GPC6: variants seen among roughly 807,000 people sequenced by gnomAD.
The protein encoded by GPC6 is glypican 6, also known as glypican-6.
A neutral mutation model predicts 55.2 loss-of-function variants in GPC6; 14 were observed. The observed-to-expected ratio is 0.25, with a 90% CI of 0.17 to 0.40. GPC6 has a LOEUF of 0.40. Among genes scored for constraint, GPC6 ranks in the 10% least tolerant of loss-of-function variants. GPC6 has a pLI of 1.00. For synonymous variants in GPC6, 278 were observed against 259.6 expected (o/e 1.07, Z -0.68); for missense variants, 641 against 708.5 (o/e 0.90, Z 1.08).
At chr13:93,694,884 G>A (rs183592769) in intron 2 of GPC6, among the ~76,000 whole-genome samples, 1 of 151,866 alleles carries the variant, frequency 6.6e-6, no homozygotes, top group East Asian at 1.9e-4. Flanking sequence ...CAAAATCTCA[G>A]TTGTTCTCAA....
intron 3 of GPC6, among the ~76,000 whole-genome samples, chr13:94,016,585 G>A (rs1165326287): frequency 6.6e-6 from 1 of 152,160 alleles, no homozygotes; most frequent in Admixed American, 6.6e-5. Context: ...TTGGGCATTT[G>A]CAATTTTATA....
At chr13:94,391,475 T>C (rs574121049) in intron 7 of GPC6, among the ~76,000 whole-genome samples, 1 of 152,250 alleles carries the variant, frequency 6.6e-6, no homozygotes, top group African/African-American at 2.4e-5. Context: ...CAGACAACCC[T>C]AGCTTAATGA....
chr13:93,912,668 A>G (rs367638930), intron 3 of GPC6, among the ~76,000 whole-genome samples: 130 of 152,210 alleles, frequency 8.5e-4, no homozygotes, highest in Non-Finnish European at 1.2e-3. Context: ...GCGTGAACCC[A>G]GGAGGCAGAG....
At chr13:93,329,973 A>C (rs1468214256) in intron 1 of GPC6, among the ~76,000 whole-genome samples, 1 of 152,238 alleles carries the variant, frequency 6.6e-6, no homozygotes, top group South Asian at 2.1e-4. Flanking sequence ...AAAGTTATTC[A>C]CTTCACAGGT....
At chr13:93,601,094 A>C (rs3848064) in intron 2 of GPC6, among the ~76,000 whole-genome samples, 57,315 of 151,632 alleles carry the variant, frequency 0.38, 11,116 homozygotes, top group African/African-American at 0.45. Context: ...GGAGCTTAAA[A>C]GAATTAAAAC....
chr13:93,629,049 C>A lies in GPC6; in HGVS notation c.319+83628C>A, dbSNP rs75523573. Among the ~76,000 whole-genome samples the A allele has an allele frequency of 9.5e-4, 138 of 145,532 alleles. 1 individual carries two copies. The highest frequency in any genetic ancestry group is 6.9e-3 in the South Asian group (32 of 4,612). ...TACTTCTAGCCAGAAAAAAAAAAAACAAAAAAAACTGACTTTTAAAAGTCA... is the reference window on the plus strand; with the variant it reads ...TACTTCTAGCCAGAAAAAAAAAAAAAAAAAAAAACTGACTTTTAAAAGTCA... On this transcript the variant is annotated intron_variant, in intron 2 of 8. Coordinates refer to ENST00000377047, the MANE Select transcript of GPC6 (RefSeq NM_005708.5).
intron 6 of GPC6, among the ~76,000 whole-genome samples, chr13:94,368,566 G>C (rs1175122835): frequency 6.6e-6 from 1 of 152,072 alleles, no homozygotes. Context: ...TGAAGACAGT[G>C]CTAAAAGCCA....
chr13:93,461,137 G>A (rs58094846), intron 1 of GPC6, among the ~76,000 whole-genome samples: 2,959 of 151,986 alleles, frequency 0.019, 101 homozygotes, highest in African/African-American at 0.068. Flanking sequence ...TTTTTTTATC[G>A]TAAAATGTAT....
At chr13:94,241,985 T>C (rs561547319) in intron 4 of GPC6, among the ~76,000 whole-genome samples, 112 of 152,192 alleles carry the variant, frequency 7.4e-4, no homozygotes, top group African/African-American at 2.5e-3. Context: ...TTGTTACATA[T>C]GTATACATGT....
chr13:93,217,203 CTTTG>C, the GPC6 span, among the ~76,000 whole-genome samples: 1 of 152,280 alleles, frequency 6.6e-6, no homozygotes, highest in African/African-American at 2.4e-5. Context: ...AAATTATATC[CTTTG>C]TAAGTAAAAT....
At chr13:94,337,256 G>A (rs1057291005) in intron 6 of GPC6, among the ~76,000 whole-genome samples, 5 of 152,092 alleles carry the variant, frequency 3.3e-5, no homozygotes, top group South Asian at 2.1e-4. Flanking sequence ...ATGTATTGAA[G>A]CCTTGATATT....
intron 7 of GPC6, among the ~76,000 whole-genome samples, chr13:94,389,249 C>A (rs1208337906): frequency 6.6e-6 from 1 of 152,004 alleles, no homozygotes; most frequent in Non-Finnish European, 1.5e-5. Flanking sequence ...TCTAGGCCTC[C>A]CAAAGTTCCT....
chr13:93,496,942 T>C (rs1880323396), intron 1 of GPC6, among the ~76,000 whole-genome samples: 1 of 152,218 alleles, frequency 6.6e-6, no homozygotes, highest in Non-Finnish European at 1.5e-5. Context: ...TTTTCCTTCC[T>C]GATCTAAACA....
intron 4 of GPC6, among the ~76,000 whole-genome samples, chr13:94,219,515 T>G (rs956862776): frequency 6.6e-6 from 1 of 152,120 alleles, no homozygotes; most frequent in Non-Finnish European, 1.5e-5. Flanking sequence ...AACTTTTACT[T>G]GAAACACTAG....
Position 93,731,707 on chromosome 13 carries a change from A to C in GPC6, c.320-98447A>C, listed in dbSNP as rs191988966. On this transcript the variant is annotated intron_variant, in intron 2 of 8. Coordinates refer to ENST00000377047, the MANE Select transcript of GPC6 (RefSeq NM_005708.5). ...GTACATCTAGATATGAGTGGATTAT[A>C]GATATGGATGTGAGCGTGAATTGTA... Among the ~76,000 whole-genome samples, 604 of 152,280 alleles carry C rather than the reference A, an allele frequency of 4.0e-3. 3 individuals carry two copies. Among genetic ancestry groups the C allele is most frequent in the Non-Finnish European group, 7.5e-3 (511 of 68,026 alleles).
chr13:94,334,713 A>G (rs992322695), intron 6 of GPC6, among the ~76,000 whole-genome samples: 1 of 152,196 alleles, frequency 6.6e-6, no homozygotes, highest in Non-Finnish European at 1.5e-5. Flanking sequence ...TCTGGGACCT[A>G]GAAAATAAGG....
At chr13:93,641,467 T>C (rs1879937116) in intron 2 of GPC6, among the ~76,000 whole-genome samples, 1 of 152,124 alleles carries the variant, frequency 6.6e-6, no homozygotes, top group African/African-American at 2.4e-5. Flanking sequence ...CACACGAAGA[T>C]CTTTCTTTCT....
intron 1 of GPC6, among the ~76,000 whole-genome samples, chr13:93,431,933 TA>T (rs1426075837): frequency 2.6e-5 from 4 of 152,170 alleles, no homozygotes; most frequent in Non-Finnish European, 5.9e-5. Context: ...AAAGTCAGTT[TA>T]ATGAATTACT....
At chr13:94,197,202 C>G (rs1889604664) in intron 4 of GPC6, among the ~76,000 whole-genome samples, 1 of 152,102 alleles carries the variant, frequency 6.6e-6, no homozygotes, top group Non-Finnish European at 1.5e-5. Context: ...AGAAACTCTA[C>G]AGTATTGAGA....
Sources: allele counts gnomAD v4.1 joint callset (sites outside exome capture counted in the v4.1 genomes callset), GRCh38; gene constraint gnomAD v4.1.1; transcripts MANE v1.5; gene names NCBI Gene and HGNC (gene_info 2026-07-23, HGNC 2026-07-21).